Variants in LATS1 observed in about 807,000 individuals in gnomAD.
LATS1 encodes large tumor suppressor kinase 1.
In LATS1, 25 loss-of-function variants were observed where a neutral mutation model predicts 106.6. That is an observed-to-expected ratio of 0.23 (90% confidence interval 0.17 to 0.33). The LOEUF is 0.33. Among genes scored for constraint, LATS1 ranks in the 10% least tolerant of loss-of-function variants. The probability of loss-of-function intolerance (pLI) is 1.00; values close to 1 mark genes in which losing one functional copy is unlikely to be tolerated. For missense variants in LATS1, 1,040 were observed against 1,382.6 expected, an observed-to-expected ratio of 0.75 and a Z score of 3.93; for synonymous variants, 465 against 455.6, an observed-to-expected ratio of 1.02 and a Z score of -0.26.
intron 2 of LATS1, among the ~76,000 whole-genome samples, chr6:149,698,527 T>G (rs1408077995): frequency 4.7e-5 from 7 of 149,484 alleles, no homozygotes; most frequent in African/African-American, 1.5e-4. Context: ...ATTACAAGAG[T>G]GAACCATCAC....
intron 1 of LATS1, among the ~76,000 whole-genome samples, chr6:149,704,816 T>C (rs1326972873): frequency 6.6e-6 from 1 of 151,438 alleles, no homozygotes; most frequent in Non-Finnish European, 1.5e-5. Context: ...ATATAAATTG[T>C]ATGTTAATAA....
At chr6:149,707,892 T>G (rs757568143) in intron 1 of LATS1, among the ~76,000 whole-genome samples, 15 of 152,156 alleles carry the variant, frequency 9.9e-5, no homozygotes, top group Admixed American at 2.6e-4. Flanking sequence ...TATTTATTTT[T>G]TAGAGACAGG....
intron 5 of LATS1, among the ~76,000 whole-genome samples, chr6:149,677,814 G>C (rs1171233125): frequency 6.6e-6 from 1 of 152,122 alleles, no homozygotes; most frequent in African/African-American, 2.4e-5. Context: ...GAGGTCAAGA[G>C]ATTGAGACCA....
rs759087156 is a variant in LATS1, at chr6:149,676,701, T to C, written c.2630A>G (p.Asn877Ser). ...ACAGCTTGAGGGATCCCCCCATTCA[T>C]TACTGAAATCCATGCTATCTTGCCG... ...HPRQDSMDFSNEWGDPSSCRC... is the reference protein window; with the variant it reads ...HPRQDSMDFSSEWGDPSSCRC... The change falls in exon 6 of 8, where the codon AAT (asparagine) becomes AGT (serine). Residue 877 changes from asparagine (N) to serine (S), a missense_variant. Asn to Ser is a conservative substitution (Grantham distance 46, BLOSUM62 1). Around this residue, in one of 7 missense-constraint regions of LATS1, gnomAD observed 63 missense variants for 64.3 expected, o/e 0.98. Coordinates refer to ENST00000543571, the MANE Select transcript of LATS1 (RefSeq NM_004690.4). The C allele has an allele frequency of 5.6e-6, 9 of 1,613,790 alleles. No homozygotes were observed. The highest frequency in any genetic ancestry group is 2.2e-5 in the East Asian group (1 of 44,892).
Position 149,676,656 on chromosome 6 carries a change from T to C in LATS1, c.2675A>G (p.Lys892Arg). 6.2e-6 allele frequency: 10 copies of C among 1,614,126 alleles called. No individual in the cohort carries two copies. Among genetic ancestry groups the C allele is most frequent in the Non-Finnish European group, 8.5e-6 (10 of 1,180,002 alleles). ...PSSCRCGDRL[K>R]PLERRAARQH... ...GCGTGCAGCTCTCCGCTCTAATGGCTTCAGTCTGTCTCCACATCGACAGCT... is the reference window on the plus strand; with the variant it reads ...GCGTGCAGCTCTCCGCTCTAATGGCCTCAGTCTGTCTCCACATCGACAGCT... The change falls in exon 6 of 8, where the codon AAG becomes AGG. Residue 892 changes from lysine (K) to arginine (R), a missense_variant. Lys to Arg is a conservative substitution (Grantham distance 26). Coordinates refer to ENST00000543571, the MANE Select transcript of LATS1 (RefSeq NM_004690.4).
At position 149,683,573 on chromosome 6, in the gene LATS1, G is replaced by C; in HGVS notation, c.1516C>G (p.Pro506Ala). 2 of 1,614,232 alleles carry C rather than the reference G, an allele frequency of 1.2e-6. No homozygotes were observed. The highest frequency in any genetic ancestry group is 1.7e-6 in the Non-Finnish European group (2 of 1,180,046). ...QPVKSMRVLKPELQTALAPTH... is the reference protein window; with the variant it reads ...QPVKSMRVLKAELQTALAPTH... The stretch of plus-strand genomic sequence containing the variant: ...GGTGCTAAAGCAGTCTGTAGCTCTG[G>C]TTTTAATACACGCATACTTTTCACA... The change falls in exon 4 of 8, where the codon CCA becomes GCA. Residue 506 changes from proline (P) to alanine (A), a missense_variant. Coordinates refer to ENST00000543571, the MANE Select transcript of LATS1 (RefSeq NM_004690.4).
intron 3 of LATS1, among the ~76,000 whole-genome samples, chr6:149,687,489 G>C (rs1258972687): frequency 6.6e-6 from 1 of 152,024 alleles, no homozygotes; most frequent in Non-Finnish European, 1.5e-5. Flanking sequence ...GAGGGCAGTG[G>C]CATGATCATG....
rs139848840 is a variant in LATS1, at chr6:149,675,046, G to A, written c.2883+1214C>T. Among the ~76,000 whole-genome samples the A allele has an allele frequency of 7.8e-3, 1,185 of 151,940 alleles. 7 individuals carry two copies. Among genetic ancestry groups the A allele is most frequent in the Middle Eastern group, 0.027 (8 of 294 alleles). On this transcript the variant is annotated intron_variant, in intron 7 of 7. Coordinates refer to ENST00000543571, the MANE Select transcript of LATS1 (RefSeq NM_004690.4). ...ATCCTGGCCAACACGGTGAAACCTC[G>A]TCTCTACTAAAAATACAAAAACTAG...
chr6:149,682,097 T>G, intron 4 of LATS1, among the ~76,000 whole-genome samples: 1 of 136,598 alleles, frequency 7.3e-6, no homozygotes, highest in African/African-American at 2.7e-5. Context: ...GGCGACAGAG[T>G]GAGATGTCGT....
At position 149,682,009 on chromosome 6, in the gene LATS1, G is replaced by A. The variant is rs1198751540; in HGVS notation, c.2010+1070C>T. Among the ~76,000 whole-genome samples the A allele has an allele frequency of 2.0e-5, 3 of 151,970 alleles. No homozygotes were observed. The East Asian group carries it at 5.8e-4, about 30-fold the overall frequency. ...CGCTTGTAGTCCCAGCTAGTGGGGA[G>A]GCTGAGGCAGGAGAACTGCTTGAAC... On this transcript the variant is annotated intron_variant, in intron 4 of 7. Coordinates refer to ENST00000543571, the MANE Select transcript of LATS1 (RefSeq NM_004690.4).
chr6:149,707,011 CTTT>C (rs745424840), intron 1 of LATS1, among the ~76,000 whole-genome samples: 2 of 110,440 alleles, frequency 1.8e-5, no homozygotes, highest in Middle Eastern at 4.7e-3. Flanking sequence ...CTGGACATCT[CTTT>C]TTTTTTTTTT....
intron 7 of LATS1, among the ~76,000 whole-genome samples, chr6:149,671,273 A>G (rs1781434686): frequency 6.6e-6 from 1 of 151,878 alleles, no homozygotes; most frequent in Admixed American, 6.6e-5. Context: ...AGCTGGGATT[A>G]CAGGCATGCA....
chr6:149,682,633 C>A (rs996115975), intron 4 of LATS1, among the ~76,000 whole-genome samples: 8 of 152,034 alleles, frequency 5.3e-5, no homozygotes, highest in African/African-American at 1.9e-4. Flanking sequence ...GCAGGATGGT[C>A]TCGATCTCCT....
chr6:149,663,286 C>T (rs1780972723), intron 7 of LATS1, among the ~76,000 whole-genome samples: 2 of 152,104 alleles, frequency 1.3e-5, no homozygotes, highest in African/African-American at 4.8e-5. Context: ...AGTTCAAGAC[C>T]AGCCTGGGCA....
chr6:149,687,297 G>T (rs891405567), intron 3 of LATS1, among the ~76,000 whole-genome samples: 1 of 152,044 alleles, frequency 6.6e-6, no homozygotes, highest in Non-Finnish European at 1.5e-5. Flanking sequence ...CACCATGTTG[G>T]TCAGGCTGGT....
Position 149,661,324 on chromosome 6 carries a change from G to A in LATS1, c.*405C>T, listed in dbSNP as rs556259134. The stretch of plus-strand genomic sequence containing the variant: ...AAGAGCTCTGTAAAATAGGGGGTAT[G>A]TTTCATATTTGGTTAAAGCAAGATA... On this transcript the variant is annotated 3_prime_UTR_variant, in exon 8 of 8. Coordinates refer to ENST00000543571, the MANE Select transcript of LATS1 (RefSeq NM_004690.4). 2 of 234,746 alleles carry A rather than the reference G, an allele frequency of 8.5e-6. No individual in the cohort carries two copies. Among genetic ancestry groups the A allele is most frequent in the Non-Finnish European group, 1.7e-5 (2 of 119,364 alleles). The allele number at this position is 234,746 out of a possible 1,614,324, so 14.5% of individuals were successfully genotyped here. A position where few individuals can be genotyped will look rare whatever the true frequency, so the allele number is the denominator to read the frequency against.
At chr6:149,702,314 A>G in intron 1 of LATS1, 48 bp from the exon 2 acceptor site, 1 of 508,802 alleles carries the variant, frequency 2.0e-6, no homozygotes, top group Non-Finnish European at 3.4e-6. Flanking sequence ...TTAATACAGC[A>G]GTACCATGTA....
intron 1 of LATS1, among the ~76,000 whole-genome samples, chr6:149,704,603 T>C (rs1299111366): frequency 6.6e-6 from 1 of 151,164 alleles, no homozygotes; most frequent in Admixed American, 6.6e-5. Context: ...TGCCTAAGCC[T>C]CCCAAGTAGC....
In LATS1 at chr6:149,707,534, T is replaced by C. The variant is rs148398886; in HGVS notation, c.-140-5268A>G. ...AGATTTACATTCCATGTAGTATACA[T>C]TAGAAAACGCTGGACCAGAGAAATT... On this transcript the variant is annotated intron_variant, in intron 1 of 7. Transcript: ENST00000543571. Among the ~76,000 whole-genome samples the C allele has an allele frequency of 4.3e-3, 656 of 152,212 alleles. 14 individuals are homozygous for C. Among genetic ancestry groups the C allele is most frequent in the South Asian group, 0.041 (199 of 4,816 alleles).
Sources: allele counts gnomAD v4.1 joint callset (sites outside exome capture counted in the v4.1 genomes callset), GRCh38; gene constraint gnomAD v4.1.1; regional missense constraint gnomAD v4.1.1; transcripts MANE v1.5; gene names NCBI Gene and HGNC (gene_info 2026-07-23, HGNC 2026-07-21).